The following GEN1 variants were observed in gnomAD, a reference collection of about 807,000 sequenced individuals.
The protein encoded by GEN1 is flap endonuclease GEN homolog 1.
A neutral mutation model predicts 67.6 loss-of-function variants in GEN1; 64 were observed. The observed-to-expected ratio is 0.95, with a 90% CI of 0.77 to 1.17. The LOEUF (loss-of-function observed/expected upper bound fraction) is 1.17. GEN1 is among the 50% of genes most tolerant of loss of function. The pLI is 0.00. For missense variants in GEN1, 1,058 were observed against 1,048.3 expected, an observed-to-expected ratio of 1.01 and a Z score of -0.13; for synonymous variants, 371 against 359.4, an observed-to-expected ratio of 1.03 and a Z score of -0.37.
upstream of GEN1, among the ~76,000 whole-genome samples, chr2:17,753,407 C>G (rs114117105): frequency 0.053 from 5,522 of 104,290 alleles, 296 homozygotes; most frequent in African/African-American, 0.19. Flanking sequence ...CTCAGGAGAC[C>G]GGTGCCGCCT....
Position 17,772,898 on chromosome 2 carries a change from A to T in GEN1, c.953+114A>T, listed in dbSNP as rs546166206. ...ATCTAGATTAGTCACATGTTTAACT[A>T]AATTTTTTTTTCATTTCTGTTCAAA... On this transcript the variant is annotated intron_variant, in intron 8 of 13. Coordinates refer to ENST00000381254, the MANE Select transcript of GEN1 (RefSeq NM_001130009.3). 16 of 1,097,182 alleles carry T rather than the reference A, an allele frequency of 1.5e-5. No homozygotes were observed. In the African/African-American group the frequency reaches 2.5e-4, roughly 17 times the overall value. The allele number at this position is 1,097,182 out of a possible 1,614,324, so 68.0% of individuals were successfully genotyped here.
At position 17,778,032 on chromosome 2, in the gene GEN1, T is replaced by TC; in HGVS notation, c.1234dup (p.His412ProfsTer4). ...TTAAGACTCGAATCAGAAATGGAGT[T>TC]CATTGTTTTGAAATAGAATGGGAAA... On this transcript the variant is annotated frameshift_variant, in exon 12 of 14. Transcript: ENST00000381254. LOFTEE classifies it high-confidence loss of function. 2 of 1,597,618 alleles carry TC rather than the reference T, an allele frequency of 1.3e-6. No individual in the cohort carries two copies. The highest frequency in any genetic ancestry group is 3.3e-4 in the Middle Eastern group (2 of 5,982).
chr2:17,783,829 CATG>C lies in GEN1; in HGVS notation c.*1893_*1895del, dbSNP rs1484816165. ...AGAGTGACATTTGATTCCTACTTCA[CATG>C]ATATTTAAGAAGTAACTTAAGATGG... is the stretch of plus-strand genomic sequence containing the variant. On this transcript the variant is annotated 3_prime_UTR_variant, in exon 14 of 14. Transcript: ENST00000381254. 1 of 152,194 alleles carries C rather than the reference CATG, an allele frequency of 6.6e-6. No homozygotes were observed. The highest frequency in any genetic ancestry group is 1.5e-5 in the Non-Finnish European group (1 of 68,016). 9.4% of individuals were successfully genotyped at this position (152,194 alleles called of 1,614,324 possible). A position where few individuals can be genotyped will look rare whatever the true frequency, so the allele number is the denominator to read the frequency against.
At chr2:17,772,612 C>CT (rs772347003) in intron 7 of GEN1, 22 bp from the exon 8 acceptor site, 2 of 1,568,678 alleles carry the variant, frequency 1.3e-6, no homozygotes, top group South Asian at 1.2e-5. Context: ...AAATATTATA[C>CT]TTTTTTTGGG....
Position 17,772,666 on chromosome 2 carries a change from A to G in GEN1, c.835A>G (p.Arg279Gly). 6.2e-7 allele frequency: 1 copy of G among 1,611,702 alleles called. No individual in the cohort carries two copies. The highest frequency in any genetic ancestry group is 1.7e-5 in the Admixed American group (1 of 59,774). ...SPKDHERNGC[R>G]LCKSDKYCEP... The stretch of plus-strand genomic sequence containing the variant: ...TAAGGATCATGAACGTAATGGATGC[A>G]GATTATGTAAAAGTGATAAATATTG... Residue 279 changes from arginine to glycine, a missense_variant, in exon 8 of 14, where the codon AGA becomes GGA. Transcript: ENST00000381254.
At position 17,788,073 on chromosome 2, in the gene GEN1, C is replaced by T. The variant is rs1162204173; in HGVS notation, c.*6134C>T. 6.6e-6 allele frequency: 1 copy of T among 152,206 alleles called. No individual in the cohort carries two copies. Among genetic ancestry groups the T allele is most frequent in the Admixed American group, 6.5e-5 (1 of 15,282 alleles). 9.4% of individuals were successfully genotyped at this position (152,206 alleles called of 1,614,324 possible). On this transcript the variant is annotated 3_prime_UTR_variant, in exon 14 of 14. Coordinates refer to ENST00000381254, the MANE Select transcript of GEN1 (RefSeq NM_001130009.3). The stretch of plus-strand genomic sequence containing the variant: ...GATACCTAGTCGCCTTTAGCCACTT[C>T]AAGACGCCCTGCCAAGATGCTTGCT...
Position 17,781,366 on chromosome 2 carries a change from T to A in GEN1, c.2154T>A (p.His718Gln). ...IANSGSDCTS[H>Q]LSKDLPGIPL... is the part of the protein sequence containing the mutation. The stretch of plus-strand genomic sequence containing the variant: ...ACAGTGGTTCTGATTGTACATCACA[T>A]CTTTCAAAGGATCTTCCAGGAATTC... Residue 718 changes from histidine to glutamine, a missense_variant, in exon 14 of 14, where the codon CAT becomes CAA. Coordinates refer to ENST00000381254, the MANE Select transcript of GEN1 (RefSeq NM_001130009.3). The A allele has an allele frequency of 6.2e-7, 1 of 1,613,938 alleles. No individual in the cohort carries two copies. The highest frequency in any genetic ancestry group is 8.5e-7 in the Non-Finnish European group (1 of 1,179,904).
At chr2:17,777,441 A>C (rs1281684577) in intron 11 of GEN1, among the ~76,000 whole-genome samples, 1 of 152,198 alleles carries the variant, frequency 6.6e-6, no homozygotes, top group Non-Finnish European at 1.5e-5. Context: ...AGAAAGTAAA[A>C]CTATCAAACC....
chr2:17,778,131 T>G, intron 12 of GEN1, 68 bp downstream of exon 12: 2 of 639,698 alleles, frequency 3.1e-6, no homozygotes, highest in South Asian at 3.1e-5. Context: ...GTAAATATTG[T>G]ATATGTGTAT....
chr2:17,758,341 T>C (rs1671517685), intron 1 of GEN1, among the ~76,000 whole-genome samples: 1 of 152,222 alleles, frequency 6.6e-6, no homozygotes, highest in South Asian at 2.1e-4. Context: ...TCTATTCCAG[T>C]GTGCACCGTG....
At chr2:17,769,869 AAC>A (rs1367662682) in intron 6 of GEN1, among the ~76,000 whole-genome samples, 2 of 152,192 alleles carry the variant, frequency 1.3e-5, no homozygotes, top group Non-Finnish European at 2.9e-5. Context: ...GGAAACTTAA[AAC>A]AGTCTTGGCC....
chr2:17,780,481 A>T (rs1201046076), intron 13 of GEN1, 140 bp from the exon 14 acceptor site: 1 of 588,848 alleles, frequency 1.7e-6, no homozygotes, highest in Non-Finnish European at 3.0e-6. Context: ...AATATTTTAT[A>T]ATCTAGCAAT....
At position 17,782,530 on chromosome 2, in the gene GEN1, T is replaced by C. The variant is rs1672895140; in HGVS notation, c.*591T>C. The C allele has an allele frequency of 2.6e-5, 4 of 152,212 alleles. No homozygotes were observed. Among genetic ancestry groups the C allele is most frequent in the Admixed American group, 2.6e-4 (4 of 15,276 alleles). 9.4% of individuals were successfully genotyped at this position (152,212 alleles called of 1,614,324 possible). ...TTCCACTTTTGGTGTCTTAGTCTCTTTTGAGGGGCAAAAATAGAAAAGGAG... is the reference window on the plus strand; with the variant it reads ...TTCCACTTTTGGTGTCTTAGTCTCTCTTGAGGGGCAAAAATAGAAAAGGAG... On this transcript the variant is annotated 3_prime_UTR_variant, in exon 14 of 14. Transcript: ENST00000381254.
At chr2:17,777,874 A>C in intron 11 of GEN1, 128 bp from the exon 12 acceptor site, 1 of 542,018 alleles carries the variant, frequency 1.8e-6, no homozygotes. Flanking sequence ...AGTCAAAGGA[A>C]TAGGCAGTAA....
In GEN1 at chr2:17,784,783, A is replaced by C. The variant is rs1260469320; in HGVS notation, c.*2844A>C. 1 of 152,232 alleles carries C rather than the reference A, an allele frequency of 6.6e-6. No homozygotes were observed. Among genetic ancestry groups the C allele is most frequent in the Non-Finnish European group, 1.5e-5 (1 of 68,048 alleles). The allele number at this position is 152,232 out of a possible 1,614,324, so 9.4% of individuals were successfully genotyped here. ...GCTGTGATAGTTCAGGACCATCTAGACCAGGTAAATAAAATATCTAGAGGC... is the reference window on the plus strand; with the variant it reads ...GCTGTGATAGTTCAGGACCATCTAGCCCAGGTAAATAAAATATCTAGAGGC... On this transcript the variant is annotated 3_prime_UTR_variant, in exon 14 of 14. Coordinates refer to ENST00000381254, the MANE Select transcript of GEN1 (RefSeq NM_001130009.3).
intron 4 of GEN1, among the ~76,000 whole-genome samples, chr2:17,765,504 C>T (rs993286763): frequency 6.6e-6 from 1 of 152,136 alleles, no homozygotes; most frequent in Non-Finnish European, 1.5e-5. Context: ...ATGGTTAAAT[C>T]CTTCACACTT....
chr2:17,759,957 A>G lies in GEN1; in HGVS notation c.14A>G (p.Asp5Gly), dbSNP rs1347999049. 4 of 1,613,948 alleles carry G rather than the reference A, an allele frequency of 2.5e-6. No homozygotes were observed. Among genetic ancestry groups the G allele is most frequent in the African/African-American group, 2.7e-5 (2 of 74,994 alleles). Reference sequence around the variant, plus strand: ...ATAATCACCAGAATGGGAGTGAATGACTTGTGGCAAATTTTGGAGCCTGTT... The same window carrying G: ...ATAATCACCAGAATGGGAGTGAATGGCTTGTGGCAAATTTTGGAGCCTGTT... MGVNDLWQILEPVKQ... is the reference protein window; with the variant it reads MGVNGLWQILEPVKQ... The change falls in exon 2 of 14, where the codon GAC becomes GGC. Residue 5 changes from aspartate (D) to glycine (G), a missense_variant. Transcript: ENST00000381254.
Position 17,780,069 on chromosome 2 carries a change from C to G in GEN1, c.1356C>G (p.Ile452Met), listed in dbSNP as rs772523095. 4 of 1,611,692 alleles carry G rather than the reference C, an allele frequency of 2.5e-6. No individual in the cohort carries two copies. The East Asian group carries it at 8.9e-5, about 36-fold the overall frequency. The change falls in exon 13 of 14, where the codon ATC becomes ATG. Residue 452 changes from isoleucine to methionine, a missense_variant. Transcript: ENST00000381254. ...TGTTTGAAGCAGCATATCCTGAGAT[C>G]GTTGCTGTTTACCAAAAACAAAAGT... The part of the protein sequence containing the change: ...ESLFEAAYPE[I>M]VAVYQKQKLE...
At chr2:17,780,294 C>T (rs1672762888) in intron 13 of GEN1, among the ~76,000 whole-genome samples, 173 bp downstream of exon 13, 1 of 152,144 alleles carries the variant, frequency 6.6e-6, no homozygotes, top group Admixed American at 6.5e-5. Flanking sequence ...AGCTGAAAAG[C>T]CAGGAATAAA....
Sources: allele counts gnomAD v4.1 joint callset (sites outside exome capture counted in the v4.1 genomes callset), GRCh38; gene constraint gnomAD v4.1.1; transcripts MANE v1.5; gene names NCBI Gene and HGNC (gene_info 2026-07-23, HGNC 2026-07-21).